C4orf33: variants seen among roughly 807,000 people sequenced by gnomAD.
C4orf33 encodes the protein UPF0462 protein C4orf33.
A neutral mutation model predicts 24.3 loss-of-function variants in C4orf33; 20 were observed. That is an observed-to-expected ratio of 0.82 (90% CI 0.58 to 1.19). The LOEUF (loss-of-function observed/expected upper bound fraction) is 1.19. Among genes scored for constraint, C4orf33 ranks in the 50% most tolerant of loss-of-function variants. The pLI, the probability that C4orf33 is intolerant of heterozygous loss-of-function variation, is 0.00. For synonymous variants in C4orf33, 67 were observed against 76.4 expected, an observed-to-expected ratio of 0.88 and a Z score of 0.64; for missense variants, 207 against 225.9, an observed-to-expected ratio of 0.92 and a Z score of 0.54.
rs1379150526 is a variant in C4orf33, at chr4:129,112,449, G to A, written c.*658G>A. On this transcript the variant is annotated 3_prime_UTR_variant, in exon 6 of 6. Coordinates refer to ENST00000425929, the MANE Select transcript of C4orf33 (RefSeq NM_001099783.2). ...TTTGATGATAGATACCAGAACAGTG[G>A]CTGCTTAGAGTGAGGGCAGGGAATT... The A allele has an allele frequency of 6.6e-6, 1 of 152,170 alleles. No individual in the cohort carries two copies. The highest frequency in any genetic ancestry group is 1.5e-5 in the Non-Finnish European group (1 of 68,012). The allele number at this position is 152,170 out of a possible 1,614,324, so 9.4% of individuals were successfully genotyped here.
At chr4:129,098,023 A>G (rs1468619824) in intron 1 of C4orf33, among the ~76,000 whole-genome samples, 2 of 152,154 alleles carry the variant, frequency 1.3e-5, no homozygotes, top group African/African-American at 4.8e-5. Context: ...CTCTTTGTGC[A>G]TTAAAGAAAT....
At chr4:129,098,375 A>G (rs555605683) in intron 1 of C4orf33, among the ~76,000 whole-genome samples, 6 of 152,056 alleles carry the variant, frequency 3.9e-5, no homozygotes, top group African/African-American at 1.2e-4. Context: ...CTTTATGTCC[A>G]TGAGTACCTA....
intron 1 of C4orf33, among the ~76,000 whole-genome samples, chr4:129,097,743 T>C (rs1467885115): frequency 6.6e-6 from 1 of 152,252 alleles, no homozygotes; most frequent in Non-Finnish European, 1.5e-5. Context: ...TTGATAGATA[T>C]TGACGTATTG....
At chr4:129,108,569 CAGAT>C (rs1753585070) in intron 3 of C4orf33, among the ~76,000 whole-genome samples, 1 of 152,064 alleles carries the variant, frequency 6.6e-6, no homozygotes, top group South Asian at 2.1e-4. Context: ...AATGAGCTAC[CAGAT>C]AGTTTTCTTA....
intron 5 of C4orf33, among the ~76,000 whole-genome samples, chr4:129,110,243 C>T (rs1753648652): frequency 2.0e-5 from 3 of 152,186 alleles, no homozygotes; most frequent in African/African-American, 7.2e-5. Flanking sequence ...TTGGGATTCC[C>T]CTGTAACAGT....
chr4:129,107,849 T>G (rs1347338492), intron 3 of C4orf33, among the ~76,000 whole-genome samples: 1 of 152,068 alleles, frequency 6.6e-6, no homozygotes, highest in Admixed American at 6.6e-5. Context: ...TAGATGATAA[T>G]ATTGGTTCAT....
At position 129,112,077 on chromosome 4, in the gene C4orf33, G is replaced by T. The variant is rs189485428; in HGVS notation, c.*286G>T. 8 of 219,076 alleles carry T rather than the reference G, an allele frequency of 3.7e-5. No homozygotes were observed. In the Admixed American group the frequency reaches 4.6e-4, roughly 13 times the overall value. 13.6% of individuals were successfully genotyped at this position (219,076 alleles called of 1,614,324 possible). A position where few individuals can be genotyped will look rare whatever the true frequency, so the allele number is the denominator to read the frequency against. ...ACAGTTATTCTTGAAAACTACAAGTGAAAAAGGGGGAACAATTGAGGTTGT... is the reference window on the plus strand; with the variant it reads ...ACAGTTATTCTTGAAAACTACAAGTTAAAAAGGGGGAACAATTGAGGTTGT... On this transcript the variant is annotated 3_prime_UTR_variant, in exon 6 of 6. Coordinates refer to ENST00000425929, the MANE Select transcript of C4orf33 (RefSeq NM_001099783.2).
upstream of C4orf33, among the ~76,000 whole-genome samples, chr4:129,095,932 A>C (rs1753191115): frequency 6.6e-6 from 1 of 152,226 alleles, no homozygotes; most frequent in African/African-American, 2.4e-5. Context: ...TTAATGATTT[A>C]CAGTTGATTT....
At chr4:129,108,403 T>A (rs1395817616) in intron 3 of C4orf33, among the ~76,000 whole-genome samples, 1 of 152,164 alleles carries the variant, frequency 6.6e-6, no homozygotes, top group Non-Finnish European at 1.5e-5. Flanking sequence ...ACTGTGTTCC[T>A]TTTTGAAAAC....
At chr4:129,095,736 G>C (rs1227512253), upstream of C4orf33, among the ~76,000 whole-genome samples, 1 of 152,186 alleles carries the variant, frequency 6.6e-6, no homozygotes, top group African/African-American at 2.4e-5. Context: ...TGCCTGAGTT[G>C]AGATTTGAAC....
chr4:129,105,927 T>C (rs1464360468), intron 2 of C4orf33, among the ~76,000 whole-genome samples: 1 of 152,164 alleles, frequency 6.6e-6, no homozygotes, highest in Non-Finnish European at 1.5e-5. Flanking sequence ...TTTGTGCACA[T>C]TTTGCAGACA....
chr4:129,101,543 T>C (rs941205101), intron 1 of C4orf33, among the ~76,000 whole-genome samples: 5 of 152,138 alleles, frequency 3.3e-5, no homozygotes, highest in South Asian at 4.1e-4. Context: ...TGTCTTCATC[T>C]GGGAAAACAT....
At chr4:129,096,408 G>T (rs34302928) in intron 1 of C4orf33, 199 bp downstream of exon 1, 5 of 152,028 alleles carry the variant, frequency 3.3e-5, no homozygotes, top group Non-Finnish European at 7.4e-5. Flanking sequence ...GCCTCGGGGA[G>T]GTATGGAAAC....
In C4orf33 at chr4:129,115,807, T is replaced by TATATATATATATATATATA. The variant is rs1178970478; in HGVS notation, c.*4017_*4035dup. On this transcript the variant is annotated 3_prime_UTR_variant, in exon 6 of 6. Coordinates refer to ENST00000425929, the MANE Select transcript of C4orf33 (RefSeq NM_001099783.2). ...CTAACAAATCTTCTAACTAAATATA[T>TATATATATATATATATATA]ATATATATATATATATATATATAAA... The TATATATATATATATATATA allele has an allele frequency of 3.8e-4, 28 of 73,940 alleles. No individual in the cohort carries two copies. Among genetic ancestry groups the TATATATATATATATATATA allele is most frequent in the African/African-American group, 1.2e-3 (27 of 22,696 alleles). The allele number at this position is 73,940 out of a possible 1,614,324, so 4.6% of individuals were successfully genotyped here.
chr4:129,099,114 A>T (rs558198581), intron 1 of C4orf33, among the ~76,000 whole-genome samples: 30 of 152,068 alleles, frequency 2.0e-4, no homozygotes, highest in African/African-American at 6.3e-4. Flanking sequence ...CTCTCTTTTT[A>T]TTTCCTGTTT....
At position 129,115,809 on chromosome 4, in the gene C4orf33, T is replaced by TATATATATATATATATATA. The variant is rs1172597121; in HGVS notation, c.*4019_*4037dup. 1 of 125,506 alleles carries TATATATATATATATATATA rather than the reference T, an allele frequency of 8.0e-6. No individual in the cohort carries two copies. The highest frequency in any genetic ancestry group is 1.7e-5 in the Non-Finnish European group (1 of 60,168). 7.8% of individuals were successfully genotyped at this position (125,506 alleles called of 1,614,324 possible). On this transcript the variant is annotated 3_prime_UTR_variant, in exon 6 of 6. Transcript: ENST00000425929. ...AACAAATCTTCTAACTAAATATATATATATATATATATATATATATAAAAT... is the reference window on the plus strand; with the variant it reads ...AACAAATCTTCTAACTAAATATATATATATATATATATATATATAATATATATATATATATATATAAAAT...
rs1753717223 is a variant in C4orf33 at position 129,112,724 on chromosome 4, G to C, written c.*933G>C. ...ATATGTTTCCATTGAACAATCACTA[G>C]TGATGGTTAAATGTGGCTTATCGAC... On this transcript the variant is annotated 3_prime_UTR_variant, in exon 6 of 6. Coordinates refer to ENST00000425929, the MANE Select transcript of C4orf33 (RefSeq NM_001099783.2). The C allele has an allele frequency of 6.6e-6, 1 of 152,032 alleles. No individual in the cohort carries two copies. The highest frequency in any genetic ancestry group is 2.1e-4 in the South Asian group (1 of 4,832). The allele number at this position is 152,032 out of a possible 1,614,324, so 9.4% of individuals were successfully genotyped here. A position where few individuals can be genotyped will look rare whatever the true frequency, so the allele number is the denominator to read the frequency against.
At chr4:129,109,441 T>C (rs1753620160) in intron 4 of C4orf33, 32 bp from the exon 5 acceptor site, 1 of 1,606,534 alleles carries the variant, frequency 6.2e-7, no homozygotes, top group Non-Finnish European at 8.5e-7. Context: ...AGCCCAATTT[T>C]ATCTTTTGTG....
upstream of C4orf33, among the ~76,000 whole-genome samples, chr4:129,095,822 T>G (rs192495481): frequency 5.0e-3 from 757 of 152,332 alleles, 6 homozygotes; most frequent in African/African-American, 0.017. Context: ...TATAATATAG[T>G]TTATAGCTGG....
Sources: gnomAD v4.1 joint callset for allele counts (sites outside exome capture counted in the v4.1 genomes callset) on GRCh38, gnomAD v4.1.1 for gene constraint, MANE v1.5 for transcripts, NCBI Gene and HGNC (gene_info 2026-07-23, HGNC 2026-07-21) for gene names.